The following ZNF567 variants were observed in gnomAD, a reference collection of about 807,000 sequenced individuals.
ZNF567 encodes zinc finger protein 567.
Under a neutral mutation model 53.9 loss-of-function variants are expected in ZNF567, and 36 were observed. The ratio of observed to expected loss-of-function variants is 0.67; its 90% CI spans 0.51 to 0.88. ZNF567 has a LOEUF of 0.88. Ranked by LOEUF, ZNF567 falls within the 40% of genes least tolerant of loss-of-function variation. ZNF567 has a pLI of 0.00. For missense variants in ZNF567, 619 were observed against 764.7 expected (o/e 0.81, Z 2.25); for synonymous variants, 224 against 260.4 (o/e 0.86, Z 1.35).
intron 3 of ZNF567, among the ~76,000 whole-genome samples, chr19:36,699,510 G>A (rs1384183636): frequency 6.6e-6 from 1 of 152,120 alleles, no homozygotes; most frequent in Non-Finnish European, 1.5e-5. Context: ...AATTACCTTG[G>A]TCAGTATGGC....
intron 5 of ZNF567, among the ~76,000 whole-genome samples, chr19:36,714,913 G>A (rs1250808167): frequency 2.0e-5 from 3 of 151,872 alleles, no homozygotes; most frequent in South Asian, 4.2e-4. Context: ...CTTAACACTC[G>A]GTCTTATTTC....
upstream of ZNF567, among the ~76,000 whole-genome samples, chr19:36,682,987 C>CTG (rs1195207016): frequency 4.6e-5 from 7 of 151,480 alleles, no homozygotes; most frequent in Non-Finnish European, 1.0e-4. Flanking sequence ...GTGTGTGTGT[C>CTG]TGTGTGTGTG....
the ZNF567 span, among the ~76,000 whole-genome samples, chr19:36,670,592 G>C: frequency 3.3e-5 from 5 of 152,062 alleles, no homozygotes; most frequent in Non-Finnish European, 7.4e-5. Context: ...GTTGCTTAAG[G>C]ATATTAACAC....
intron 3 of ZNF567, chr19:36,711,225 C>G (rs1338987751): frequency 1.3e-5 from 2 of 152,410 alleles, no homozygotes; most frequent in African/African-American, 4.8e-5. Context: ...CACCCACCAC[C>G]ACACCCAGCT....
the ZNF567 span, among the ~76,000 whole-genome samples, chr19:36,680,998 C>T: frequency 6.6e-6 from 1 of 152,176 alleles, no homozygotes; most frequent in African/African-American, 2.4e-5. Flanking sequence ...TTCACAGTTT[C>T]CAGAGATTAG....
downstream of ZNF567, chr19:36,723,362 G>T (rs1335505454): frequency 2.0e-5 from 13 of 649,734 alleles, no homozygotes; most frequent in Non-Finnish European, 3.6e-5. Flanking sequence ...TGCATGTGCT[G>T]CCCTGTCTCC....
intron 3 of ZNF567, among the ~76,000 whole-genome samples, chr19:36,701,349 G>T (rs1229921947): frequency 1.3e-5 from 2 of 151,178 alleles, no homozygotes; most frequent in Non-Finnish European, 2.9e-5. Context: ...CCAAGTATGT[G>T]GTCAATTTTG....
intron 3 of ZNF567, among the ~76,000 whole-genome samples, chr19:36,701,632 A>AGG (rs1256279454): frequency 2.0e-5 from 3 of 151,462 alleles, no homozygotes; most frequent in African/African-American, 7.3e-5. Context: ...ATATATATTT[A>AGG]GGATAGTTAG....
chr19:36,680,920 GAACTAC>G, the ZNF567 span, among the ~76,000 whole-genome samples: 1 of 152,090 alleles, frequency 6.6e-6, no homozygotes, highest in Non-Finnish European at 1.5e-5. Flanking sequence ...AATCCAGGAT[GAACTAC>G]TCATCTCAAA....
At chr19:36,684,331 T>A (rs371177059), upstream of ZNF567, among the ~76,000 whole-genome samples, 28 of 152,254 alleles carry the variant, frequency 1.8e-4, no homozygotes, top group East Asian at 1.9e-3. Flanking sequence ...AAGCTTTTTT[T>A]AATATTCTCC....
chr19:36,713,438 C>T (rs2039886974), intron 5 of ZNF567, among the ~76,000 whole-genome samples: 1 of 145,394 alleles, frequency 6.9e-6, no homozygotes, highest in Non-Finnish European at 1.5e-5. Flanking sequence ...GGAGACAGAG[C>T]AAGAGCCTGT....
chr19:36,691,891 T>A (rs972983896), intron 2 of ZNF567, among the ~76,000 whole-genome samples: 2 of 152,208 alleles, frequency 1.3e-5, no homozygotes, highest in African/African-American at 4.8e-5. Flanking sequence ...CATGCAATCC[T>A]CCTGCCTTGT....
chr19:36,703,238 C>T (rs149553195), intron 3 of ZNF567, among the ~76,000 whole-genome samples: 184 of 152,218 alleles, frequency 1.2e-3, no homozygotes, highest in African/African-American at 4.1e-3. Flanking sequence ...TGCAGAACTG[C>T]GGATTTTCGT....
chr19:36,719,014 C>A lies in ZNF567; in HGVS notation c.290C>A (p.Ser97Ter). The A allele has an allele frequency of 1.9e-6, 3 of 1,602,432 alleles. No homozygotes were observed. In the South Asian group the frequency reaches 3.4e-5, roughly 18 times the overall value. ...FKEHQEKYSR[S>*]VVSINHKKLV... ...GAACACCAAGAGAAGTATTCTAGAT[C>A]AGTTGTAAGCATCAACCACAAAAAA... is the stretch of plus-strand genomic sequence containing the variant. The change falls in exon 6 of 6, where the codon TCA becomes TAA. Residue 97 changes from serine (S) to a stop codon, truncating the protein, a stop_gained. Coordinates refer to ENST00000682579, the MANE Select transcript of ZNF567 (RefSeq NM_001322917.1). LOFTEE classifies it high-confidence loss of function.
the ZNF567 span, among the ~76,000 whole-genome samples, chr19:36,679,234 C>T: frequency 5.9e-5 from 9 of 152,160 alleles, no homozygotes; most frequent in South Asian, 8.3e-4. Context: ...TGCAGTGAGC[C>T]GAGATTGCAT....
rs777126205 is a variant in ZNF567 at position 36,718,977 on chromosome 19, G to A, written c.253G>A (p.Val85Met). The change falls in exon 6 of 6, where the codon GTG (valine) becomes ATG (methionine). Residue 85 changes from valine to methionine, a missense_variant. Physicochemically the swap from Val to Met is conservative, Grantham distance 21 (BLOSUM62 1). Transcript: ENST00000682579. ...AAACTGGAAAGCTGAAGACTTTTTA[G>A]TGAAATTCAAGGAACACCAAGAGAA... Reference protein sequence around the residue: ...EENWKAEDFLVKFKEHQEKYS... With the variant: ...EENWKAEDFLMKFKEHQEKYS... 2 of 1,566,148 alleles carry A rather than the reference G, an allele frequency of 1.3e-6. No homozygotes were observed. Among genetic ancestry groups the A allele is most frequent in the South Asian group, 1.2e-5 (1 of 82,926 alleles).
chr19:36,722,517 G>A (rs1214182575), downstream of ZNF567, among the ~76,000 whole-genome samples: 1 of 152,038 alleles, frequency 6.6e-6, no homozygotes, highest in Non-Finnish European at 1.5e-5. Flanking sequence ...GGCCAGGCTG[G>A]TCTTGAACTC....
chr19:36,687,298 C>G (rs1167653311), upstream of ZNF567: 1 of 153,736 alleles, frequency 6.5e-6, no homozygotes, highest in East Asian at 1.9e-4. Context: ...CGCACACCGC[C>G]GCCTTGTCCT....
At position 36,712,166 on chromosome 19, in the gene ZNF567, C is replaced by T. The variant is rs1222616619; in HGVS notation, c.10-220C>T. The T allele has an allele frequency of 9.6e-6, 4 of 417,472 alleles. No individual in the cohort carries two copies. In the East Asian group the frequency reaches 1.6e-4, roughly 17 times the overall value. The allele number at this position is 417,472 out of a possible 1,614,324, so 25.9% of individuals were successfully genotyped here. A position where few individuals can be genotyped will look rare whatever the true frequency, so the allele number is the denominator to read the frequency against. ...GTTTCAAGCTATTCTCCTGCCTCAG[C>T]CTCCCATGTAACTGGGATTACAGGC... On this transcript the variant is annotated intron_variant, in intron 3 of 5. Transcript: ENST00000682579.
Sources: gnomAD v4.1 joint callset for allele counts (sites outside exome capture counted in the v4.1 genomes callset) on GRCh38, gnomAD v4.1.1 for gene constraint, MANE v1.5 for transcripts, NCBI Gene and HGNC (gene_info 2026-07-23, HGNC 2026-07-21) for gene names.